The following RGS7 variants were observed in gnomAD, a reference collection of about 807,000 sequenced individuals.
RGS7 encodes regulator of G protein signaling 7, also known as regulator of G-protein signaling 7.
RGS7 carries 27 observed loss-of-function variants against 81.1 expected under a neutral mutation model. The ratio of observed to expected loss-of-function variants is 0.33; its 90% CI spans 0.25 to 0.46. The LOEUF is 0.46. Ranked by LOEUF, RGS7 falls within the 20% of genes least tolerant of loss-of-function variation. RGS7 has a pLI of 1.00. For missense variants in RGS7, 396 were observed against 607.4 expected (o/e 0.65, Z 3.66); for synonymous variants, 208 against 207.7 (o/e 1.00, Z -0.01).
chr1:240,995,045 T>C (rs1482959033), intron 3 of RGS7, among the ~76,000 whole-genome samples: 1 of 152,172 alleles, frequency 6.6e-6, no homozygotes, highest in African/African-American at 2.4e-5. Context: ...TGAAAGTTTT[T>C]ATTATGAATA....
At chr1:241,329,124 C>T in intron 2 of RGS7, among the ~76,000 whole-genome samples, 1 of 152,188 alleles carries the variant, frequency 6.6e-6, no homozygotes, top group East Asian at 1.9e-4. Flanking sequence ...CAATAACATT[C>T]AGTCTATCCT....
At chr1:241,159,404 C>T (rs2069445781) in intron 2 of RGS7, among the ~76,000 whole-genome samples, 1 of 152,126 alleles carries the variant, frequency 6.6e-6, no homozygotes, top group Non-Finnish European at 1.5e-5. Flanking sequence ...CTTTTCTCCT[C>T]TTTTTGAAAA....
rs150080112 is a variant in RGS7 at position 241,355,516 on chromosome 1, G to A, written c.78+183C>T. ...GTGAGGAGGCCTCATTTACTTCAGT[G>A]TGTTTCCCCACATATGCATCATTTG... On this transcript the variant is annotated intron_variant, in intron 2 of 18. Coordinates refer to ENST00000440928, the MANE Select transcript of RGS7 (RefSeq NM_001364886.1). Among the ~76,000 whole-genome samples the A allele has an allele frequency of 1.3e-3, 204 of 152,270 alleles. 1 individual carries two copies. Among genetic ancestry groups the A allele is most frequent in the African/African-American group, 4.6e-3 (193 of 41,546 alleles).
chr1:241,236,909 G>A (rs2076012521), intron 2 of RGS7, among the ~76,000 whole-genome samples: 1 of 152,152 alleles, frequency 6.6e-6, no homozygotes. Flanking sequence ...ATATTACAAA[G>A]TAAAGCAATC....
intron 3 of RGS7, among the ~76,000 whole-genome samples, chr1:240,986,991 C>T (rs1369079175): frequency 1.3e-5 from 2 of 152,194 alleles, no homozygotes; most frequent in African/African-American, 2.4e-5. Flanking sequence ...ACCTGTGCCC[C>T]CTGCAGAGTG....
At chr1:241,037,642 G>T (rs1240497977) in intron 3 of RGS7, among the ~76,000 whole-genome samples, 1 of 151,226 alleles carries the variant, frequency 6.6e-6, no homozygotes, top group Non-Finnish European at 1.5e-5. Flanking sequence ...AATCTCCTGA[G>T]CCCAGGACGT....
Position 241,265,415 on chromosome 1 carries a change from G to A in RGS7, c.78+90284C>T, listed in dbSNP as rs79201936. ...GTAAATGGCCTCCAAGTGAGTGCAA[G>A]GCAACAGAGAGACCAAGAAGATACA... is the stretch of plus-strand genomic sequence containing the variant. On this transcript the variant is annotated intron_variant, in intron 2 of 18. Coordinates refer to ENST00000440928, the MANE Select transcript of RGS7 (RefSeq NM_001364886.1). 6.6e-4 allele frequency among the ~76,000 whole-genome samples: 97 copies of A among 147,030 alleles called. No homozygotes were observed. The East Asian group carries it at 0.02, about 30-fold the overall frequency.
chr1:240,913,988 T>A (rs1252756506), intron 6 of RGS7, among the ~76,000 whole-genome samples: 1 of 152,020 alleles, frequency 6.6e-6, no homozygotes, highest in South Asian at 2.1e-4. Flanking sequence ...TGTATACATG[T>A]GCCATGCTGG....
chr1:240,993,265 GAAAA>G, intron 3 of RGS7, among the ~76,000 whole-genome samples: 1 of 150,996 alleles, frequency 6.6e-6, no homozygotes, highest in South Asian at 2.1e-4. Context: ...AAGAAAGAAA[GAAAA>G]AGAAAGAAAG....
intron 2 of RGS7, among the ~76,000 whole-genome samples, chr1:241,297,084 T>A (rs946803238): frequency 4.6e-5 from 7 of 152,154 alleles, no homozygotes; most frequent in African/African-American, 1.7e-4. Flanking sequence ...TAAGTATATT[T>A]TACTTATTTG....
At chr1:241,202,916 G>T (rs562187601) in intron 2 of RGS7, among the ~76,000 whole-genome samples, 2 of 152,184 alleles carry the variant, frequency 1.3e-5, no homozygotes, top group African/African-American at 4.8e-5. Context: ...AGGAGGGAAC[G>T]AGGTCAGAGA....
chr1:241,236,269 T>C (rs1320371834), intron 2 of RGS7, among the ~76,000 whole-genome samples: 2 of 151,864 alleles, frequency 1.3e-5, no homozygotes, highest in Non-Finnish European at 2.9e-5. Flanking sequence ...AACCACCTTG[T>C]ATTTTTATCT....
rs533651644 is a variant in RGS7 at position 241,188,706 on chromosome 1, T to G, written c.79-89944A>C. Among the ~76,000 whole-genome samples the G allele has an allele frequency of 5.1e-4, 78 of 152,298 alleles. 1 individual carries two copies. The South Asian group carries it at 0.016, about 31-fold the overall frequency. On this transcript the variant is annotated intron_variant, in intron 2 of 18. Transcript: ENST00000440928. ...AAAAAGTCCTAAGACTAATATTAATTGACTTCTATGGTCAATGGTTCTCTG... is the reference window on the plus strand; with the variant it reads ...AAAAAGTCCTAAGACTAATATTAATGGACTTCTATGGTCAATGGTTCTCTG...
At chr1:241,103,379 C>T (rs896299622) in intron 2 of RGS7, among the ~76,000 whole-genome samples, 1 of 152,064 alleles carries the variant, frequency 6.6e-6, no homozygotes, top group Non-Finnish European at 1.5e-5. Flanking sequence ...AGCTGGCATG[C>T]CTTGGGTCAC....
At chr1:241,238,122 T>C (rs915810686) in intron 2 of RGS7, among the ~76,000 whole-genome samples, 1 of 151,990 alleles carries the variant, frequency 6.6e-6, no homozygotes, top group African/African-American at 2.4e-5. Flanking sequence ...GAAACAACAG[T>C]GAAGCATGCA....
At chr1:241,165,610 T>C in intron 2 of RGS7, among the ~76,000 whole-genome samples, 1 of 126,730 alleles carries the variant, frequency 7.9e-6, no homozygotes, top group Non-Finnish European at 1.6e-5. Context: ...AAGGGGAACA[T>C]CACACTCTGG....
intron 2 of RGS7, among the ~76,000 whole-genome samples, chr1:241,314,194 C>T (rs1351095092): frequency 1.3e-5 from 2 of 152,210 alleles, no homozygotes; most frequent in Non-Finnish European, 2.9e-5. Flanking sequence ...AAAATGCTCT[C>T]AAACAGCATA....
chr1:240,939,210 A>G (rs1677142248), intron 4 of RGS7, among the ~76,000 whole-genome samples: 1 of 152,216 alleles, frequency 6.6e-6, no homozygotes, highest in African/African-American at 2.4e-5. Context: ...CTTTCAGAGA[A>G]TCTACTTCCA....
Position 240,868,039 on chromosome 1 carries a change from A to AAAAGAAAGAAAGAAAGAAAGAAAG in RGS7, c.609+547_609+548insCTTTCTTTCTTTCTTTCTTTCTTT, listed in dbSNP as rs142198054. ...AGAAAGAAAGAAAAGAAAAGAAGAG[A>AAAAGAAAGAAAGAAAGAAAGAAAG]AAAGAAAGAAAGAAAGAAAGAAAAG... On this transcript the variant is annotated intron_variant, in intron 9 of 18. Transcript: ENST00000440928. The surrounding 1 kb of genome is among the most constrained non-coding windows in gnomAD (Gnocchi z 5.1). Among the ~76,000 whole-genome samples, 11 of 150,738 alleles carry AAAAGAAAGAAAGAAAGAAAGAAAG rather than the reference A, an allele frequency of 7.3e-5. No homozygotes were observed. Among genetic ancestry groups the AAAAGAAAGAAAGAAAGAAAGAAAG allele is most frequent in the African/African-American group, 2.7e-4 (11 of 40,966 alleles).
Sources: allele counts gnomAD v4.1 joint callset (sites outside exome capture counted in the v4.1 genomes callset), GRCh38; gene constraint gnomAD v4.1.1; non-coding constraint Gnocchi (gnomAD v3.1); transcripts MANE v1.5; gene names NCBI Gene and HGNC (gene_info 2026-07-23, HGNC 2026-07-21).